Variants in LMBRD1 observed in about 807,000 individuals in gnomAD.
LMBRD1 encodes LMBR1 domain containing 1.
In LMBRD1, 64 loss-of-function variants were observed where a neutral mutation model predicts 74.8. That is an observed-to-expected ratio of 0.86 (90% CI 0.70 to 1.05). The LOEUF is 1.05. LMBRD1 is among the 50% of genes least tolerant of loss of function. The pLI is 0.00. For synonymous variants in LMBRD1, 204 were observed against 216.3 expected (o/e 0.94, Z 0.50); for missense variants, 652 against 645.9 (o/e 1.01, Z -0.10).
intron 9 of LMBRD1, among the ~76,000 whole-genome samples, chr6:69,703,407 G>A (rs1766176677): frequency 1.4e-5 from 2 of 145,584 alleles, no homozygotes; most frequent in African/African-American, 5.2e-5. Context: ...ACATGATATA[G>A]AAACAGCATT....
intron 14 of LMBRD1, among the ~76,000 whole-genome samples, chr6:69,689,341 T>C (rs1765831048): frequency 6.6e-6 from 1 of 152,062 alleles, no homozygotes; most frequent in South Asian, 2.1e-4. Context: ...CCAAACAACA[T>C]TAAAAAACCT....
At chr6:69,738,134 G>A (rs1276633534) in intron 6 of LMBRD1, 119 bp from the exon 7 acceptor site, 2 of 699,690 alleles carry the variant, frequency 2.9e-6, no homozygotes, top group African/African-American at 1.8e-5. Flanking sequence ...AAACCAATAT[G>A]TATTACCGTA....
intron 2 of LMBRD1, among the ~76,000 whole-genome samples, chr6:69,785,313 T>C (rs2149895432): frequency 6.6e-6 from 1 of 152,312 alleles, no homozygotes; most frequent in African/African-American, 2.4e-5. Context: ...TACTCAGTCT[T>C]CCCAGCTGCT....
chr6:69,695,746 G>A (rs1671665732), intron 14 of LMBRD1, among the ~76,000 whole-genome samples: 1 of 151,692 alleles, frequency 6.6e-6, no homozygotes, highest in African/African-American at 2.4e-5. Context: ...AGGGCTAACT[G>A]TATACCCAAC....
intron 3 of LMBRD1, among the ~76,000 whole-genome samples, chr6:69,764,631 G>C (rs1043386504): frequency 6.6e-6 from 1 of 152,076 alleles, no homozygotes; most frequent in Non-Finnish European, 1.5e-5. Flanking sequence ...AATCTTCCCT[G>C]ATTAAATGCC....
intron 9 of LMBRD1, chr6:69,705,307 G>A (rs1295820270): frequency 1.3e-6 from 1 of 748,708 alleles, no homozygotes; most frequent in Admixed American, 1.7e-5. Context: ...TTCCTCAACT[G>A]CCAGAGATCT....
At chr6:69,741,744 C>G in intron 6 of LMBRD1, 45 bp downstream of exon 6, 1 of 1,152,262 alleles carries the variant, frequency 8.7e-7, no homozygotes, top group Non-Finnish European at 1.3e-6. Flanking sequence ...TCCAAAGTAT[C>G]AGGAAATATA....
At chr6:69,720,134 C>T (rs1242415298) in intron 7 of LMBRD1, among the ~76,000 whole-genome samples, 1 of 152,070 alleles carries the variant, frequency 6.6e-6, no homozygotes, top group Non-Finnish European at 1.5e-5. Flanking sequence ...TTGCTTAAAC[C>T]ACAATTCAAA....
At chr6:69,713,958 T>C (rs192624542) in intron 8 of LMBRD1, among the ~76,000 whole-genome samples, 161 bp from the exon 9 acceptor site, 1 of 152,144 alleles carries the variant, frequency 6.6e-6, no homozygotes, top group African/African-American at 2.4e-5. Flanking sequence ...ACAATAAACA[T>C]AGGATAACCA....
chr6:69,775,790 C>T lies in LMBRD1; in HGVS notation c.307+4704G>A, dbSNP rs539818489. Among the ~76,000 whole-genome samples, 7 of 152,158 alleles carry T rather than the reference C, an allele frequency of 4.6e-5. No homozygotes were observed. The East Asian group carries it at 1.4e-3, about 29-fold the overall frequency. ...TTTGAGTTGTGAGCTACAGTAGCCA[C>T]TTTTTTTTCAAAGAACATCATTTTT... On this transcript the variant is annotated intron_variant, in intron 3 of 15. Coordinates refer to ENST00000649934, the MANE Select transcript of LMBRD1 (RefSeq NM_018368.4).
intron 3 of LMBRD1, among the ~76,000 whole-genome samples, chr6:69,774,129 T>C (rs963754438): frequency 1.3e-5 from 2 of 152,166 alleles, no homozygotes; most frequent in East Asian, 1.9e-4. Flanking sequence ...AATGGAATCA[T>C]GGGGACGGGT....
intron 14 of LMBRD1, among the ~76,000 whole-genome samples, chr6:69,685,292 G>C (rs966822062): frequency 6.6e-6 from 1 of 152,118 alleles, no homozygotes; most frequent in Non-Finnish European, 1.5e-5. Flanking sequence ...TAAGAATCTG[G>C]CCATGTCCGA....
chr6:69,768,542 AT>A (rs1765516450), intron 3 of LMBRD1, among the ~76,000 whole-genome samples: 1 of 152,012 alleles, frequency 6.6e-6, no homozygotes, highest in Non-Finnish European at 1.5e-5. Context: ...TCTATATATT[AT>A]AAACCCTAAA....
intron 7 of LMBRD1, among the ~76,000 whole-genome samples, chr6:69,732,151 G>A (rs562318088): frequency 1.3e-3 from 195 of 152,254 alleles, no homozygotes; most frequent in Non-Finnish European, 2.4e-3. Context: ...GAGAACCACT[G>A]CTGTGATTCA....
chr6:69,793,255 A>G (rs1766129954), intron 1 of LMBRD1, among the ~76,000 whole-genome samples: 1 of 152,222 alleles, frequency 6.6e-6, no homozygotes, highest in South Asian at 2.1e-4. Flanking sequence ...TGAGATTTTT[A>G]AAACTCCCCA....
intron 3 of LMBRD1, among the ~76,000 whole-genome samples, chr6:69,777,079 C>T (rs960107455): frequency 2.0e-5 from 3 of 151,924 alleles, no homozygotes; most frequent in Non-Finnish European, 4.4e-5. Flanking sequence ...ACCTGGGAGG[C>T]GAAGGTTGCA....
chr6:69,764,325 T>C (rs1394894833), intron 3 of LMBRD1, among the ~76,000 whole-genome samples: 1 of 135,866 alleles, frequency 7.4e-6, no homozygotes, highest in Non-Finnish European at 1.7e-5. Context: ...CGCTAGATCG[T>C]TACCTCACTC....
At chr6:69,678,744 A>C (rs1387250949) in intron 14 of LMBRD1, among the ~76,000 whole-genome samples, 2 of 152,130 alleles carry the variant, frequency 1.3e-5, no homozygotes, top group Non-Finnish European at 2.9e-5. Flanking sequence ...TCTCAGCTTC[A>C]ATAAGTAAGT....
chr6:69,767,245 G>A (rs994691410), intron 3 of LMBRD1, among the ~76,000 whole-genome samples: 1 of 150,680 alleles, frequency 6.6e-6, no homozygotes, highest in African/African-American at 2.4e-5. Flanking sequence ...TCTTCTGCTT[G>A]TTTAAAGTTC....
Sources: gnomAD v4.1 joint callset for allele counts (sites outside exome capture counted in the v4.1 genomes callset) on GRCh38, gnomAD v4.1.1 for gene constraint, MANE v1.5 for transcripts, NCBI Gene and HGNC (gene_info 2026-07-23, HGNC 2026-07-21) for gene names.